The following DBN1 variants were observed in gnomAD, a reference collection of about 807,000 sequenced individuals.
The protein encoded by DBN1 is drebrin 1, also known as drebrin.
Under a neutral mutation model 83.5 loss-of-function variants are expected in DBN1, and 21 were observed. The ratio of observed to expected loss-of-function variants is 0.25; its 90% confidence interval spans 0.18 to 0.36. The LOEUF is 0.36. DBN1 is among the 10% of genes least tolerant of loss of function. The pLI is 1.00. For missense variants in DBN1, 874 were observed against 935.7 expected, an observed-to-expected ratio of 0.93 and a Z score of 0.86; for synonymous variants, 381 against 384.9, an observed-to-expected ratio of 0.99 and a Z score of 0.12.
intron 8 of DBN1, among the ~76,000 whole-genome samples, chr5:177,463,127 C>G (rs1229983926): frequency 1.3e-5 from 2 of 152,130 alleles, no homozygotes; most frequent in Admixed American, 1.3e-4. Flanking sequence ...AGCTCCGCCT[C>G]CCGGGTTCAC....
chr5:177,470,740 C>T (rs1317085785), intron 1 of DBN1, among the ~76,000 whole-genome samples: 1 of 152,232 alleles, frequency 6.6e-6, no homozygotes, highest in Non-Finnish European at 1.5e-5. Context: ...CCCCCAGCAG[C>T]CTCTCCTGAG....
Position 177,467,880 on chromosome 5 carries a change from G to C in DBN1, c.256-63C>G, listed in dbSNP as rs1757565997. 6.4e-7 allele frequency: 1 copy of C among 1,571,232 alleles called. No individual in the cohort carries two copies. The highest frequency in any genetic ancestry group is 8.7e-7 in the Non-Finnish European group (1 of 1,148,158). On this transcript the variant is annotated intron_variant, in intron 3 of 14. Coordinates refer to ENST00000393565, the MANE Select transcript of DBN1 (RefSeq NM_001363541.2). The surrounding 1 kb of genome is among the most constrained non-coding windows in gnomAD (Gnocchi z 9.1). Reference sequence around the variant, plus strand: ...CAAGGGGGGCCCTACACGATAGGGTGCATCTTCCCCGGGGTGGGAAGAGGG... The same window carrying C: ...CAAGGGGGGCCCTACACGATAGGGTCCATCTTCCCCGGGGTGGGAAGAGGG...
chr5:177,472,055 A>C (rs1757881220), intron 1 of DBN1: 1 of 1,536,126 alleles, frequency 6.5e-7, no homozygotes, highest in Non-Finnish European at 8.8e-7. Context: ...CCCCTGGGGC[A>C]GGGCTGGGAC....
rs1720470055 is a variant in DBN1 at position 177,458,521 on chromosome 5, G to A, written c.1451C>T (p.Pro484Leu). 6.2e-7 allele frequency: 1 copy of A among 1,614,030 alleles called. No homozygotes were observed. The highest frequency in any genetic ancestry group is 1.1e-5 in the South Asian group (1 of 91,084). ...EQAVLAAPVE[P>L]ATADATEIHD... ...GATCTCCGTGGCGTCAGCTGTGGCA[G>A]GCTCCACGGGAGCAGCCAGGACAGC... The change falls in exon 13 of 15, where the codon CCT becomes CTT. Residue 484 changes from proline to leucine, a missense_variant. Physicochemically the swap from Pro to Leu is moderately conservative, Grantham distance 98 (BLOSUM62 -3). Around this residue, in one of 4 missense-constraint regions of DBN1, gnomAD observed 725 missense variants for 719.7 expected, o/e 1.01. Coordinates refer to ENST00000393565, the MANE Select transcript of DBN1 (RefSeq NM_001363541.2).
chr5:177,470,064 G>C (rs1468961178), intron 1 of DBN1, among the ~76,000 whole-genome samples: 2 of 152,210 alleles, frequency 1.3e-5, no homozygotes, highest in East Asian at 1.9e-4. Flanking sequence ...TGGAGGGGAC[G>C]TCTCAGGAGG....
rs748402876 is a variant in DBN1, at chr5:177,460,522, T to C, written c.865A>G (p.Asn289Asp). 5 of 1,614,030 alleles carry C rather than the reference T, an allele frequency of 3.1e-6. No homozygotes were observed. The Admixed American group carries it at 8.3e-5, about 27-fold the overall frequency. ...AAAIIAQRPD[N>D]PREFFKQQER... is the part of the protein sequence containing the mutation. Reference sequence around the variant, plus strand: ...TGCTGCTTGAAGAACTCCCTTGGGTTGTCAGGCCGCTGGGCAATAATAGCT... The same window carrying C: ...TGCTGCTTGAAGAACTCCCTTGGGTCGTCAGGCCGCTGGGCAATAATAGCT... The change falls in exon 10 of 15, where the codon AAC becomes GAC. Residue 289 changes from asparagine (N) to aspartate (D), a missense_variant. By Grantham distance (23) the Asn-to-Asp change is conservative. Coordinates refer to ENST00000393565, the MANE Select transcript of DBN1 (RefSeq NM_001363541.2).
At chr5:177,459,378 T>C in intron 11 of DBN1, 110 bp from the exon 12 acceptor site, 1 of 1,487,708 alleles carries the variant, frequency 6.7e-7, no homozygotes, top group Non-Finnish European at 8.9e-7. Context: ...GGGTGGGGGC[T>C]GGGAGCTCTC....
At chr5:177,462,121 T>G (rs1757089279) in intron 8 of DBN1, 2 of 700,278 alleles carry the variant, frequency 2.9e-6, no homozygotes, top group Admixed American at 6.3e-5. Flanking sequence ...CACACGTTGT[T>G]TTGGGTGGGC....
In DBN1 at chr5:177,458,339, G is replaced by A; in HGVS notation, c.1633C>T (p.Pro545Ser). ...GCCAGGGTGACCTCAGTACCCGAGGGTGGCGTGGGGGCCCTGGGCTCACCC... is the reference window on the plus strand; with the variant it reads ...GCCAGGGTGACCTCAGTACCCGAGGATGGCGTGGGGGCCCTGGGCTCACCC... ...LQGEPRAPTP[P>S]SGTEVTLAEV... Residue 545 changes from proline (P) to serine (S), a missense_variant, in exon 13 of 15, where the codon CCC becomes TCC. This residue lies in a region of DBN1 where 725 missense variants were observed against 719.7 expected (regional missense o/e 1.01). Coordinates refer to ENST00000393565, the MANE Select transcript of DBN1 (RefSeq NM_001363541.2). The A allele has an allele frequency of 6.2e-7, 1 of 1,613,190 alleles. No individual in the cohort carries two copies. The highest frequency in any genetic ancestry group is 8.5e-7 in the Non-Finnish European group (1 of 1,179,312).
At chr5:177,463,258 C>T (rs535542179) in intron 8 of DBN1, among the ~76,000 whole-genome samples, 6 of 152,276 alleles carry the variant, frequency 3.9e-5, no homozygotes, top group South Asian at 2.1e-4. Context: ...AGGATGGTCT[C>T]GATCTCCTGA....
At chr5:177,468,734 G>A (rs1354577470) in intron 2 of DBN1, 110 bp downstream of exon 2, 1 of 630,182 alleles carries the variant, frequency 1.6e-6, no homozygotes. Context: ...AGACAAGTGT[G>A]GGGCTGCAGG....
At position 177,457,287 on chromosome 5, in the gene DBN1, G is replaced by A; in HGVS notation, c.*146C>T. 3 of 707,410 alleles carry A rather than the reference G, an allele frequency of 4.2e-6. No individual in the cohort carries two copies. Among genetic ancestry groups the A allele is most frequent in the Non-Finnish European group, 5.1e-6 (2 of 392,468 alleles). 43.8% of individuals were successfully genotyped at this position (707,410 alleles called of 1,614,324 possible). ...TGTAAAAGTCAGGCCCTGTGGGTAG[G>A]GAAGCGGCCAAGTCCCCAGCCAGGG... On this transcript the variant is annotated 3_prime_UTR_variant, in exon 15 of 15. Coordinates refer to ENST00000393565, the MANE Select transcript of DBN1 (RefSeq NM_001363541.2).
In DBN1 at chr5:177,458,161, T is replaced by TG; in HGVS notation, c.1810dup (p.Gln604ProfsTer10). ...AAGGGCTGAGGGCAGAGTTGGGGTC[T>TG]GGGGGGCAGCCAGGGACTCCCCTTC... On this transcript the variant is annotated frameshift_variant, in exon 13 of 15. Coordinates refer to ENST00000393565, the MANE Select transcript of DBN1 (RefSeq NM_001363541.2). LOFTEE classifies it high-confidence loss of function. 6.2e-7 allele frequency: 1 copy of TG among 1,612,778 alleles called. No homozygotes were observed.
At position 177,457,346 on chromosome 5, in the gene DBN1, T is replaced by A; in HGVS notation, c.*87A>T. On this transcript the variant is annotated 3_prime_UTR_variant, in exon 15 of 15. Coordinates refer to ENST00000393565, the MANE Select transcript of DBN1 (RefSeq NM_001363541.2). ...CGGAGTGGGTGCCAGGCGGAGCTGCTGCGAATGCAGGCACGGCGGGCCGTC... is the reference window on the plus strand; with the variant it reads ...CGGAGTGGGTGCCAGGCGGAGCTGCAGCGAATGCAGGCACGGCGGGCCGTC... 1 of 1,169,068 alleles carries A rather than the reference T, an allele frequency of 8.6e-7. No homozygotes were observed. The highest frequency in any genetic ancestry group is 1.3e-6 in the Non-Finnish European group (1 of 778,092). 72.4% of individuals were successfully genotyped at this position (1,169,068 alleles called of 1,614,324 possible). A position where few individuals can be genotyped will look rare whatever the true frequency, so the allele number is the denominator to read the frequency against.
At chr5:177,465,492 T>C (rs1757382093) in intron 8 of DBN1, among the ~76,000 whole-genome samples, 1 of 152,232 alleles carries the variant, frequency 6.6e-6, no homozygotes, top group African/African-American at 2.4e-5. Flanking sequence ...TGTGAATGAA[T>C]TTAATGCCGC....
chr5:177,468,491 C>G (rs1250775384), intron 2 of DBN1: 15 of 532,094 alleles, frequency 2.8e-5, no homozygotes, highest in Non-Finnish European at 4.3e-5. Flanking sequence ...ATTCTTCACA[C>G]ATCATCATGT....
chr5:177,459,760 G>A lies in DBN1; in HGVS notation c.956-20C>T, dbSNP rs1756874819. On this transcript the variant is annotated intron_variant, in intron 10 of 14. Coordinates refer to ENST00000393565, the MANE Select transcript of DBN1 (RefSeq NM_001363541.2). ...GACGACCTGCCGAGAGAGACAGACA[G>A]AGAAAGAGACAGAGGACAAGAGAGG... 1.4e-6 allele frequency: 2 copies of A among 1,472,586 alleles called. No homozygotes were observed. Among genetic ancestry groups the A allele is most frequent in the African/African-American group, 2.9e-5 (2 of 69,894 alleles). The allele number at this position is 1,472,586 out of a possible 1,614,324, so 91.2% of individuals were successfully genotyped here.
chr5:177,460,352 C>A (rs1202012129), intron 10 of DBN1, 80 bp downstream of exon 10: 2 of 1,600,722 alleles, frequency 1.2e-6, no homozygotes, highest in African/African-American at 2.7e-5. Context: ...GGCAAGGCCT[C>A]CCTTCTGAGA....
At chr5:177,468,005 GAGCAGC>G in intron 3 of DBN1, 97 bp downstream of exon 3, 6 of 776,760 alleles carry the variant, frequency 7.7e-6, no homozygotes, top group East Asian at 2.5e-5. Flanking sequence ...CCCAGTTGAT[GAGCAGC>G]TCTGGGCCCT....
Sources: gnomAD v4.1 joint callset for allele counts (sites outside exome capture counted in the v4.1 genomes callset) on GRCh38, gnomAD v4.1.1 for gene constraint, gnomAD v4.1.1 regional missense constraint, Gnocchi (gnomAD v3.1) non-coding constraint, MANE v1.5 for transcripts, NCBI Gene and HGNC (gene_info 2026-07-23, HGNC 2026-07-21) for gene names.